DDX50: variants seen among roughly 807,000 people sequenced by gnomAD.
DDX50 encodes the protein DExD-box helicase 50, also known as ATP-dependent RNA helicase DDX50.
In DDX50, 56 loss-of-function variants were observed where a neutral mutation model predicts 94.8. The ratio of observed to expected loss-of-function variants is 0.59; its 90% CI spans 0.48 to 0.74. DDX50 has a LOEUF of 0.74. Among genes scored for constraint, DDX50 ranks in the 30% least tolerant of loss-of-function variants. DDX50 has a pLI of 0.00. For synonymous variants in DDX50, 264 were observed against 295.4 expected (o/e 0.89, Z 1.09); for missense variants, 713 against 881.2 (o/e 0.81, Z 2.42).
At chr10:68,936,420 C>T (rs138776659) in intron 11 of DDX50, among the ~76,000 whole-genome samples, 3,215 of 128,478 alleles carry the variant, frequency 0.025, 56 homozygotes, top group South Asian at 0.046. Flanking sequence ...ACCTGGGGGG[C>T]GGAGCTTGCA....
chr10:68,941,965 T>C (rs952139979), intron 13 of DDX50, among the ~76,000 whole-genome samples: 4 of 151,636 alleles, frequency 2.6e-5, no homozygotes, highest in Non-Finnish European at 4.4e-5. Context: ...GTGATTATTA[T>C]TTGGTAAAGA....
At chr10:68,938,981 CT>C (rs1842491725) in intron 12 of DDX50, among the ~76,000 whole-genome samples, 1 of 152,166 alleles carries the variant, frequency 6.6e-6, no homozygotes, top group African/African-American at 2.4e-5. Flanking sequence ...CATCATTTAA[CT>C]TTTGCCTTTA....
Position 68,934,155 on chromosome 10 carries a change from A to G in DDX50, c.1240-44A>G. On this transcript the variant is annotated intron_variant, in intron 8 of 14. Coordinates refer to ENST00000373585, the MANE Select transcript of DDX50 (RefSeq NM_024045.2). This position sits in a 1 kb window ranked among gnomAD's most constrained non-coding sequence, Gnocchi z 4.0. ...TAGATGTTGTTGTGCTATCAGTTGC[A>G]AGTATGAGCTGTACACTTAATTTTC... 6.4e-7 allele frequency: 1 copy of G among 1,563,282 alleles called. No individual in the cohort carries two copies. The highest frequency in any genetic ancestry group is 1.2e-5 in the South Asian group (1 of 84,410).
In DDX50 at chr10:68,934,663, A is replaced by C; in HGVS notation, c.1402-136A>C. On this transcript the variant is annotated intron_variant, in intron 9 of 14. Coordinates refer to ENST00000373585, the MANE Select transcript of DDX50 (RefSeq NM_024045.2). The surrounding 1 kb of genome is among the most constrained non-coding windows in gnomAD (Gnocchi z 4.0). ...ATATTGCCTTTACCCCAAAATCCAC[A>C]CATATAAATTGTTTGGAATGTTGAA... 1 of 1,139,364 alleles carries C rather than the reference A, an allele frequency of 8.8e-7. No homozygotes were observed. Among genetic ancestry groups the C allele is most frequent in the Non-Finnish European group, 1.2e-6 (1 of 827,824 alleles). The allele number at this position is 1,139,364 out of a possible 1,614,324, so 70.6% of individuals were successfully genotyped here.
chr10:68,935,192 G>GTCCAGCAT (rs5785881), intron 10 of DDX50, among the ~76,000 whole-genome samples: 142,615 of 152,032 alleles, frequency 0.94, 66,946 homozygotes, highest in East Asian at 0.99. Flanking sequence ...GTACTTCTTA[G>GTCCAGCAT]TGTAAATGGG....
intron 3 of DDX50, 55 bp from the exon 4 acceptor site, chr10:68,911,013 A>T: frequency 7.9e-7 from 1 of 1,273,488 alleles, no homozygotes. Flanking sequence ...AAATGAATAT[A>T]TTTTTTCCTA....
At chr10:68,929,094 G>A (rs771955086) in intron 8 of DDX50, among the ~76,000 whole-genome samples, 4 of 152,042 alleles carry the variant, frequency 2.6e-5, no homozygotes, top group Non-Finnish European at 4.4e-5. Context: ...TTACAGGCGT[G>A]TGCCACCACG....
chr10:68,934,461 T>A lies in DDX50; in HGVS notation c.1401+101T>A. 1 of 1,510,652 alleles carries A rather than the reference T, an allele frequency of 6.6e-7. No individual in the cohort carries two copies. Among genetic ancestry groups the A allele is most frequent in the Non-Finnish European group, 9.0e-7 (1 of 1,117,316 alleles). 93.6% of individuals were successfully genotyped at this position (1,510,652 alleles called of 1,614,324 possible). ...GGGATGTGAAAAATATGTCATCTCT[T>A]CTTGCTCTTAGCCATTTTTTGTTAG... On this transcript the variant is annotated intron_variant, in intron 9 of 14. Coordinates refer to ENST00000373585, the MANE Select transcript of DDX50 (RefSeq NM_024045.2). The surrounding 1 kb of genome is among the most constrained non-coding windows in gnomAD (Gnocchi z 4.0).
rs757717045 is a variant in DDX50, at chr10:68,919,942, G to T, written c.1200G>T (p.Lys400Asn). The change falls in exon 8 of 15, where the codon AAG (lysine) becomes AAT (asparagine). Residue 400 changes from lysine (K) to asparagine (N), a missense_variant. This residue lies in a region of DDX50 where 428 missense variants were observed against 602.3 expected (regional missense o/e 0.71). Coordinates refer to ENST00000373585, the MANE Select transcript of DDX50 (RefSeq NM_024045.2). ...CTATTATTTTCTGTGAGACCAAGAAGAATGTAACTGAAATGGCCATGAATC... is the reference window on the plus strand; with the variant it reads ...CTATTATTTTCTGTGAGACCAAGAATAATGTAACTGAAATGGCCATGAATC... ...GRAIIFCETK[K>N]NVTEMAMNPH... The T allele has an allele frequency of 1.1e-5, 18 of 1,614,058 alleles. No individual in the cohort carries two copies. In the Admixed American group the frequency reaches 2.2e-4, roughly 19 times the overall value.
chr10:68,913,134 C>G (rs200291357), intron 4 of DDX50, 28 bp from the exon 5 acceptor site: 8 of 1,551,124 alleles, frequency 5.2e-6, no homozygotes, highest in Non-Finnish European at 6.1e-6. Context: ...AGAAAAGTAT[C>G]TTTTTGTTTT....
Position 68,943,336 on chromosome 10 carries a change from C to G in DDX50, c.1935+79C>G, listed in dbSNP as rs536538627. The G allele has an allele frequency of 1.3e-5, 15 of 1,182,414 alleles. No individual in the cohort carries two copies. The East Asian group carries it at 3.1e-4, about 25-fold the overall frequency. The allele number at this position is 1,182,414 out of a possible 1,614,324, so 73.2% of individuals were successfully genotyped here. A position where few individuals can be genotyped will look rare whatever the true frequency, so the allele number is the denominator to read the frequency against. On this transcript the variant is annotated intron_variant, in intron 14 of 14. Transcript: ENST00000373585. ...ATTGGGATATTTTGGGAAACATAGT[C>G]ACAATGTCATTATCATGCCTAAATC... is the stretch of plus-strand genomic sequence containing the variant.
chr10:68,918,013 C>G (rs1364705605), intron 7 of DDX50, among the ~76,000 whole-genome samples: 1 of 152,070 alleles, frequency 6.6e-6, no homozygotes, highest in East Asian at 1.9e-4. Flanking sequence ...CAACCTCTGC[C>G]TCCGGGGTTC....
At chr10:68,930,721 A>G (rs1218652505) in intron 8 of DDX50, among the ~76,000 whole-genome samples, 1 of 152,124 alleles carries the variant, frequency 6.6e-6, no homozygotes, top group African/African-American at 2.4e-5. Context: ...CAGTGGCACA[A>G]TGGCTTATTG....
At chr10:68,901,580 G>A in intron 1 of DDX50, 109 bp downstream of exon 1, 1 of 1,195,938 alleles carries the variant, frequency 8.4e-7, no homozygotes, top group Non-Finnish European at 1.1e-6. Flanking sequence ...GAGCATCCGA[G>A]GGCCTCCCTT....
intron 7 of DDX50, among the ~76,000 whole-genome samples, chr10:68,917,413 C>G (rs756697805): frequency 6.6e-6 from 1 of 152,120 alleles, no homozygotes; most frequent in Non-Finnish European, 1.5e-5. Context: ...GAGCTGAGAT[C>G]GTGCCACTGA....
chr10:68,904,683 G>C (rs1311638218), intron 1 of DDX50, among the ~76,000 whole-genome samples: 1 of 152,208 alleles, frequency 6.6e-6, no homozygotes, highest in African/African-American at 2.4e-5. Context: ...GGCTTAGACC[G>C]AGAGGTCTCC....
chr10:68,927,506 T>C (rs1241631533), intron 8 of DDX50, among the ~76,000 whole-genome samples: 1 of 152,180 alleles, frequency 6.6e-6, no homozygotes, highest in Non-Finnish European at 1.5e-5. Flanking sequence ...GACTTGGGAG[T>C]CAGATTGGGG....
intron 7 of DDX50, among the ~76,000 whole-genome samples, chr10:68,914,422 A>G (rs3740596): frequency 0.057 from 8,744 of 152,258 alleles, 306 homozygotes; most frequent in Middle Eastern, 0.11. Context: ...CCTAATAGGA[A>G]ACACACAAGC....
intron 8 of DDX50, among the ~76,000 whole-genome samples, chr10:68,929,811 C>T (rs1429304876): frequency 6.6e-6 from 1 of 150,608 alleles, no homozygotes; most frequent in African/African-American, 2.4e-5. Flanking sequence ...ACTGAAACCT[C>T]CGTCCTCTGC....
Sources: gnomAD v4.1 joint callset for allele counts (sites outside exome capture counted in the v4.1 genomes callset) on GRCh38, gnomAD v4.1.1 for gene constraint, gnomAD v4.1.1 regional missense constraint, Gnocchi (gnomAD v3.1) non-coding constraint, MANE v1.5 for transcripts, NCBI Gene and HGNC (gene_info 2026-07-23, HGNC 2026-07-21) for gene names.